PDE4D: variants seen among roughly 807,000 people sequenced by gnomAD.
The protein encoded by PDE4D is phosphodiesterase 4D.
Under a neutral mutation model 87.4 loss-of-function variants are expected in PDE4D, and 24 were observed. The observed-to-expected ratio is 0.27, with a 90% CI of 0.20 to 0.39. The LOEUF is 0.39. Ranked by LOEUF, PDE4D falls within the 10% of genes least tolerant of loss-of-function variation. The pLI, the probability that PDE4D is intolerant of heterozygous loss-of-function variation, is 1.00. For synonymous variants in PDE4D, 384 were observed against 383.2 expected, an observed-to-expected ratio of 1.00 and a Z score of -0.02; for missense variants, 714 against 1,041.0, an observed-to-expected ratio of 0.69 and a Z score of 4.32.
intron 1 of PDE4D, among the ~76,000 whole-genome samples, chr5:60,420,723 C>G (rs13166292): frequency 6.6e-6 from 1 of 152,058 alleles, no homozygotes; most frequent in East Asian, 1.9e-4. Flanking sequence ...GCCCATGGAG[C>G]GGGAGCCAGC....
At chr5:60,368,393 C>A (rs927518475) in intron 1 of PDE4D, among the ~76,000 whole-genome samples, 1 of 152,060 alleles carries the variant, frequency 6.6e-6, no homozygotes, top group African/African-American at 2.4e-5. Flanking sequence ...AATATCGTGA[C>A]CTGTGTTCTG....
intron 1 of PDE4D, among the ~76,000 whole-genome samples, chr5:59,224,587 G>C (rs1753325830): frequency 6.6e-6 from 1 of 152,346 alleles, no homozygotes; most frequent in African/African-American, 2.4e-5. Flanking sequence ...TATTAGGCCA[G>C]TGTTATGGAC....
intron 1 of PDE4D, among the ~76,000 whole-genome samples, chr5:60,209,559 TC>T (rs1742951578): frequency 6.6e-6 from 1 of 152,210 alleles, no homozygotes; most frequent in African/African-American, 2.4e-5. Flanking sequence ...TAAAATGTCA[TC>T]ATTATCTTAT....
intron 1 of PDE4D, among the ~76,000 whole-genome samples, chr5:60,424,701 A>C (rs1743509788): frequency 6.6e-6 from 1 of 152,204 alleles, no homozygotes; most frequent in African/African-American, 2.4e-5. Flanking sequence ...GGCAAGAGAA[A>C]GAAATAAAGG....
At chr5:60,471,838 T>C (rs543035528) in intron 1 of PDE4D, among the ~76,000 whole-genome samples, 1 of 152,328 alleles carries the variant, frequency 6.6e-6, no homozygotes, top group East Asian at 1.9e-4. Context: ...GCTTGCCCTA[T>C]TGCAATATTC....
intron 1 of PDE4D, among the ~76,000 whole-genome samples, chr5:60,422,886 G>A (rs560102327): frequency 2.1e-4 from 32 of 152,270 alleles, no homozygotes; most frequent in Non-Finnish European, 3.4e-4. Flanking sequence ...AGAAGCAGGG[G>A]TTGCAATCCT....
chr5:59,361,296 T>G (rs1409863553), intron 1 of PDE4D, among the ~76,000 whole-genome samples: 1 of 152,144 alleles, frequency 6.6e-6, no homozygotes, highest in Non-Finnish European at 1.5e-5. Context: ...CAAAAAATAT[T>G]TCTAGACTCA....
chr5:60,114,092 T>G (rs1176352041), intron 2 of PDE4D, among the ~76,000 whole-genome samples: 2 of 152,142 alleles, frequency 1.3e-5, no homozygotes, highest in African/African-American at 4.8e-5. Context: ...GTAACCTATG[T>G]GGATAATAAA....
At chr5:59,545,169 T>C (rs1191605719) in intron 1 of PDE4D, among the ~76,000 whole-genome samples, 1 of 152,158 alleles carries the variant, frequency 6.6e-6, no homozygotes, top group African/African-American at 2.4e-5. Context: ...TTCCTTAAAA[T>C]TGTAACTTCT....
intron 3 of PDE4D, among the ~76,000 whole-genome samples, chr5:59,954,075 G>A (rs1476868011): frequency 4.0e-5 from 6 of 150,250 alleles, no homozygotes; most frequent in Non-Finnish European, 7.4e-5. Flanking sequence ...ACAGGCATGC[G>A]CCACCATGCC....
intron 2 of PDE4D, among the ~76,000 whole-genome samples, chr5:60,049,775 C>T (rs941694160): frequency 6.6e-6 from 1 of 152,174 alleles, no homozygotes; most frequent in African/African-American, 2.4e-5. Context: ...TCAAAGCTGT[C>T]AGACAAGGAC....
chr5:60,075,861 G>T (rs1406339707), intron 2 of PDE4D, among the ~76,000 whole-genome samples: 1 of 152,052 alleles, frequency 6.6e-6, no homozygotes, highest in African/African-American at 2.4e-5. Context: ...GCTCTATCAG[G>T]TTGGTTACAC....
At chr5:59,155,363 ATATT>A (rs1780016426) in intron 5 of PDE4D, among the ~76,000 whole-genome samples, 2 of 152,226 alleles carry the variant, frequency 1.3e-5, no homozygotes, top group African/African-American at 4.8e-5. Flanking sequence ...TGTTGAATAA[ATATT>A]TACTCAGTAA....
chr5:59,903,112 C>T (rs1752446161), intron 3 of PDE4D, among the ~76,000 whole-genome samples: 1 of 152,086 alleles, frequency 6.6e-6, no homozygotes, highest in Non-Finnish European at 1.5e-5. Flanking sequence ...ATATCTATCC[C>T]CCACATCCTT....
intron 1 of PDE4D, among the ~76,000 whole-genome samples, chr5:60,462,287 C>T (rs924613310): frequency 2.6e-5 from 4 of 152,136 alleles, no homozygotes; most frequent in African/African-American, 4.8e-5. Context: ...CACAGGTGTG[C>T]GCACCCCTAG....
chr5:59,533,810 A>G (rs1186066471), intron 1 of PDE4D, among the ~76,000 whole-genome samples: 2 of 152,206 alleles, frequency 1.3e-5, no homozygotes, highest in South Asian at 2.1e-4. Context: ...TCTGATGATC[A>G]TTAGTGGATG....
At chr5:60,044,094 C>CT (rs147218740) in intron 2 of PDE4D, among the ~76,000 whole-genome samples, 4 of 150,460 alleles carry the variant, frequency 2.7e-5, no homozygotes, top group African/African-American at 9.8e-5. Flanking sequence ...TAGGTGTGGA[C>CT]TTTTTTTTTA....
At chr5:59,934,599 A>G (rs1756362991) in intron 3 of PDE4D, among the ~76,000 whole-genome samples, 1 of 152,240 alleles carries the variant, frequency 6.6e-6, no homozygotes, top group African/African-American at 2.4e-5. Flanking sequence ...ATATTTGCAT[A>G]GATCTATAAT....
At chr5:60,035,166 G>C (rs902616428) in intron 2 of PDE4D, among the ~76,000 whole-genome samples, 1 of 151,684 alleles carries the variant, frequency 6.6e-6, no homozygotes, top group African/African-American at 2.4e-5. Context: ...TGAGGCAGGA[G>C]AATTGCTTGA....
Sources: allele counts gnomAD v4.1 joint callset (sites outside exome capture counted in the v4.1 genomes callset), GRCh38; gene constraint gnomAD v4.1.1; transcripts MANE v1.5; gene names NCBI Gene and HGNC (gene_info 2026-07-23, HGNC 2026-07-21).